Variants in CCDC171 observed in about 807,000 individuals in gnomAD.
CCDC171 encodes coiled-coil domain-containing protein 171.
CCDC171 carries 177 observed loss-of-function variants against 168.2 expected under a neutral mutation model. That is an observed-to-expected ratio of 1.05 (90% CI 0.93 to 1.19). CCDC171 has a LOEUF of 1.19. CCDC171 is among the 50% of genes most tolerant of loss of function. The probability of loss-of-function intolerance (pLI) is 0.00; values close to 1 mark genes in which losing one functional copy is unlikely to be tolerated. For missense variants in CCDC171, 1,991 were observed against 1,539.0 expected (o/e 1.29, Z -4.91); for synonymous variants, 687 against 540.8 (o/e 1.27, Z -3.75).
At chr9:15,662,187 G>A (rs542875095) in intron 8 of CCDC171, among the ~76,000 whole-genome samples, 2 of 152,298 alleles carry the variant, frequency 1.3e-5, no homozygotes, top group South Asian at 4.2e-4. Flanking sequence ...TGAGGCATGA[G>A]AATTGCTTGA....
chr9:15,950,786 A>G (rs1268912532), intron 25 of CCDC171, among the ~76,000 whole-genome samples: 2 of 151,940 alleles, frequency 1.3e-5, no homozygotes, highest in Non-Finnish European at 2.9e-5. Context: ...TTAACCTTAA[A>G]TGTAAATGGA....
At chr9:15,597,255 C>T (rs1324359323) in intron 6 of CCDC171, among the ~76,000 whole-genome samples, 2 of 151,960 alleles carry the variant, frequency 1.3e-5, no homozygotes, top group Non-Finnish European at 2.9e-5. Context: ...CAGTTTTTGC[C>T]CATTCAGTAT....
intron 7 of CCDC171, among the ~76,000 whole-genome samples, chr9:15,628,419 C>A (rs1378127018): frequency 1.3e-5 from 2 of 152,190 alleles, no homozygotes; most frequent in Non-Finnish European, 2.9e-5. Context: ...TGGAGTCTCG[C>A]TTATTGCTAG....
At chr9:15,861,722 T>G (rs1416255015) in intron 23 of CCDC171, among the ~76,000 whole-genome samples, 1 of 152,130 alleles carries the variant, frequency 6.6e-6, no homozygotes, top group South Asian at 2.1e-4. Flanking sequence ...TTTTTACTTA[T>G]AGTTGTTTTT....
At chr9:16,008,826 G>A (rs556556835) in intron 3 of CCDC171, among the ~76,000 whole-genome samples, 28 of 152,168 alleles carry the variant, frequency 1.8e-4, no homozygotes, top group African/African-American at 3.4e-4. Flanking sequence ...ATTAATTATC[G>A]CTGCCCTGGG....
chr9:15,762,155 CT>C (rs763343953), intron 18 of CCDC171, among the ~76,000 whole-genome samples: 1,317 of 122,590 alleles, frequency 0.011, 6 homozygotes, highest in Middle Eastern at 0.019. Context: ...GAGCCTGAAG[CT>C]TTTTTTTTTT....
chr9:15,982,225 T>C (rs1441074254), intron 3 of CCDC171, among the ~76,000 whole-genome samples: 1 of 152,166 alleles, frequency 6.6e-6, no homozygotes, highest in Non-Finnish European at 1.5e-5. Context: ...TGAGAACTTC[T>C]CAGAATTTCA....
At chr9:15,628,158 G>C (rs1015242771) in intron 7 of CCDC171, among the ~76,000 whole-genome samples, 1 of 152,156 alleles carries the variant, frequency 6.6e-6, no homozygotes, top group Non-Finnish European at 1.5e-5. Flanking sequence ...TCTCACTAGG[G>C]AGTGCCAGAC....
At chr9:15,605,888 A>C (rs1423663291) in intron 6 of CCDC171, among the ~76,000 whole-genome samples, 1 of 152,242 alleles carries the variant, frequency 6.6e-6, no homozygotes, top group African/African-American at 2.4e-5. Context: ...TAGTATTTGC[A>C]TGGCATTCTG....
intron 1 of CCDC171, among the ~76,000 whole-genome samples, chr9:16,054,334 A>G (rs1465210669): frequency 1.3e-5 from 2 of 152,238 alleles, no homozygotes; most frequent in African/African-American, 4.8e-5. Flanking sequence ...TCGGGTGTGC[A>G]CGAAGTCCAG....
intron 1 of CCDC171, among the ~76,000 whole-genome samples, chr9:15,558,908 GTC>G (rs1272851257): frequency 6.6e-6 from 1 of 152,112 alleles, no homozygotes; most frequent in Non-Finnish European, 1.5e-5. Context: ...CTTTGAATGT[GTC>G]CCAGAGATTC....
chr9:16,107,507 TA>T, the CCDC171 span, among the ~76,000 whole-genome samples: 2 of 152,172 alleles, frequency 1.3e-5, no homozygotes, highest in African/African-American at 4.8e-5. Context: ...GCTAATATTT[TA>T]CCATATTTGC....
intron 3 of CCDC171, among the ~76,000 whole-genome samples, chr9:16,000,637 A>AG (rs1286769567): frequency 2.0e-5 from 3 of 152,208 alleles, no homozygotes; most frequent in Admixed American, 6.5e-5. Flanking sequence ...CTTGCCAGAC[A>AG]GGTATGTCTG....
At chr9:15,658,427 G>A (rs1007618696) in intron 8 of CCDC171, among the ~76,000 whole-genome samples, 3 of 152,196 alleles carry the variant, frequency 2.0e-5, no homozygotes, top group Non-Finnish European at 4.4e-5. Context: ...GACAACGACT[G>A]TAGCAATGGA....
downstream of CCDC171, among the ~76,000 whole-genome samples, chr9:16,065,798 T>G (rs970158277): frequency 1.6e-4 from 22 of 141,468 alleles, no homozygotes; most frequent in Non-Finnish European, 3.2e-4. Context: ...CACCTATGGG[T>G]TTGTGTGCAT....
At chr9:15,736,611 C>G (rs1384056550) in intron 16 of CCDC171, among the ~76,000 whole-genome samples, 1 of 152,076 alleles carries the variant, frequency 6.6e-6, no homozygotes, top group Admixed American at 6.5e-5. Flanking sequence ...TTTGACCTCC[C>G]AAAGTGTTGG....
intron 21 of CCDC171, among the ~76,000 whole-genome samples, chr9:15,802,828 A>G (rs749437453): frequency 5.3e-5 from 8 of 152,112 alleles, no homozygotes; most frequent in Non-Finnish European, 8.8e-5. Flanking sequence ...TTGAGGAATC[A>G]CCACACTGTC....
chr9:15,756,176 C>T lies in CCDC171; in HGVS notation c.2671+10545C>T, dbSNP rs575142587. On this transcript the variant is annotated intron_variant, in intron 18 of 25. Transcript: ENST00000380701. ...GTAGATGGATCCACTAATCAACAAA[C>T]TCAACATAGAGAGGATTTACTTTCT... 3.3e-5 allele frequency among the ~76,000 whole-genome samples: 5 copies of T among 152,172 alleles called. No homozygotes were observed. In the East Asian group the frequency reaches 7.7e-4, roughly 24 times the overall value.
At chr9:16,086,456 C>T in the CCDC171 span, among the ~76,000 whole-genome samples, 3 of 151,736 alleles carry the variant, frequency 2.0e-5, no homozygotes, top group African/African-American at 4.8e-5. Context: ...TACAGGTGTG[C>T]ACCACCACAC....
Sources: allele counts gnomAD v4.1 joint callset (sites outside exome capture counted in the v4.1 genomes callset), GRCh38; gene constraint gnomAD v4.1.1; transcripts MANE v1.5; gene names NCBI Gene and HGNC (gene_info 2026-07-23, HGNC 2026-07-21).